HDAC4: variants seen among roughly 807,000 people sequenced by gnomAD.
HDAC4 encodes the protein histone deacetylase 4.
HDAC4 carries 16 observed loss-of-function variants against 135.1 expected under a neutral mutation model. The ratio of observed to expected loss-of-function variants is 0.12; its 90% CI spans 0.08 to 0.18. The LOEUF is 0.18. Among genes scored for constraint, HDAC4 ranks in the 10% least tolerant of loss-of-function variants. HDAC4 has a pLI of 1.00. For missense variants in HDAC4, 1,143 were observed against 1,511.8 expected (o/e 0.76, Z 4.05); for synonymous variants, 685 against 653.4 (o/e 1.05, Z -0.74).
chr2:239,351,730 A>C (rs990586686), intron 2 of HDAC4: 1 of 154,410 alleles, frequency 6.5e-6, no homozygotes, highest in Non-Finnish European at 1.5e-5. Context: ...ACCCAGACAG[A>C]CCCTGAGCCT....
intron 2 of HDAC4, among the ~76,000 whole-genome samples, chr2:239,282,851 C>T (rs1575604353): frequency 6.6e-6 from 1 of 151,454 alleles, no homozygotes; most frequent in African/African-American, 2.4e-5. Flanking sequence ...GTACATACCA[C>T]TCTACAATGT....
rs1696886009 is a variant in HDAC4, at chr2:239,400,386, G to C, written c.-220+592C>G. On this transcript the variant is annotated intron_variant, in intron 1 of 26. Coordinates refer to ENST00000543185, the MANE Select transcript of HDAC4 (RefSeq NM_001378414.1). The surrounding 1 kb of genome is among the most constrained non-coding windows in gnomAD (Gnocchi z 4.7). ...GCGGCCCGGAGCCCACCTGCTCGGG[G>C]GGCGCGGGCCCCGCACCGGGAGACG... The C allele has an allele frequency of 6.8e-6, 1 of 147,398 alleles. No individual in the cohort carries two copies. Among genetic ancestry groups the C allele is most frequent in the African/African-American group, 2.4e-5 (1 of 40,944 alleles). 9.1% of individuals were successfully genotyped at this position (147,398 alleles called of 1,614,324 possible). A position where few individuals can be genotyped will look rare whatever the true frequency, so the allele number is the denominator to read the frequency against.
At chr2:239,114,593 C>T (rs1287325039) in intron 13 of HDAC4, among the ~76,000 whole-genome samples, 4 of 152,220 alleles carry the variant, frequency 2.6e-5, no homozygotes, top group South Asian at 4.1e-4. Context: ...GTGCCACAAT[C>T]GCACCCGTCT....
chr2:239,380,079 C>T (rs951071118), intron 1 of HDAC4, among the ~76,000 whole-genome samples: 3 of 152,138 alleles, frequency 2.0e-5, no homozygotes, highest in Non-Finnish European at 4.4e-5. Flanking sequence ...GACCTGGGGT[C>T]GGGGGCGCGG....
At chr2:239,126,414 C>T (rs376099044) in intron 12 of HDAC4, 42 bp downstream of exon 12, 3 of 1,612,248 alleles carry the variant, frequency 1.9e-6, no homozygotes, top group Admixed American at 3.3e-5. Context: ...GCACAGCACA[C>T]AGCCGCCCTG....
chr2:239,388,153 T>C lies in HDAC4; in HGVS notation c.-220+12825A>G, dbSNP rs930289174. Among the ~76,000 whole-genome samples the C allele has an allele frequency of 2.8e-4, 43 of 152,150 alleles. 1 individual carries two copies. The highest frequency in any genetic ancestry group is 9.2e-4 in the African/African-American group (38 of 41,422). ...TCATTCACCTCATAGCACCTGGGGTTGGGGAAAGGCTGGGCCATTGACCTC... is the reference window on the plus strand; with the variant it reads ...TCATTCACCTCATAGCACCTGGGGTCGGGGAAAGGCTGGGCCATTGACCTC... On this transcript the variant is annotated intron_variant, in intron 1 of 26. Coordinates refer to ENST00000543185, the MANE Select transcript of HDAC4 (RefSeq NM_001378414.1).
At position 239,090,136 on chromosome 2, in the gene HDAC4, C is replaced by A. The variant is rs1450367015; in HGVS notation, c.2281-20G>T. 6.4e-7 allele frequency: 1 copy of A among 1,560,890 alleles called. No individual in the cohort carries two copies. Among genetic ancestry groups the A allele is most frequent in the African/African-American group, 1.3e-5 (1 of 74,082 alleles). On this transcript the variant is annotated intron_variant, in intron 17 of 26. Coordinates refer to ENST00000543185, the MANE Select transcript of HDAC4 (RefSeq NM_001378414.1). ...GTCCACCTGTGGAAACAACACCCCA[C>A]AGTGAGGTCACCCTCCCAGGCCACC...
intron 1 of HDAC4, among the ~76,000 whole-genome samples, chr2:239,371,312 C>T (rs1199774914): frequency 6.6e-6 from 1 of 152,134 alleles, no homozygotes; most frequent in African/African-American, 2.4e-5. Flanking sequence ...CACACTCTCA[C>T]ATAACCACAA....
chr2:239,313,402 G>A lies in HDAC4; in HGVS notation c.22+39276C>T, dbSNP rs1323631293. 6.6e-6 allele frequency among the ~76,000 whole-genome samples: 1 copy of A among 152,094 alleles called. No individual in the cohort carries two copies. Among genetic ancestry groups the A allele is most frequent in the Admixed American group, 6.5e-5 (1 of 15,276 alleles). On this transcript the variant is annotated intron_variant, in intron 2 of 26. Coordinates refer to ENST00000543185, the MANE Select transcript of HDAC4 (RefSeq NM_001378414.1). The surrounding 1 kb of genome is among the most constrained non-coding windows in gnomAD (Gnocchi z 5.1). Reference sequence around the variant, plus strand: ...ACGGCCTCCTCCCCAAAGAGTGTGAGGATCTGGATTAGAACCAAGTATCCC... The same window carrying A: ...ACGGCCTCCTCCCCAAAGAGTGTGAAGATCTGGATTAGAACCAAGTATCCC...
rs1358511174 is a variant in HDAC4, at chr2:239,400,474, C to T, written c.-220+504G>A. ...CCCGGCGGGCGAAGCCGCCTCGCGG[C>T]GCGGGTGGAAAGGTCCAGAAGGGGC... is the stretch of plus-strand genomic sequence containing the variant. On this transcript the variant is annotated intron_variant, in intron 1 of 26. Coordinates refer to ENST00000543185, the MANE Select transcript of HDAC4 (RefSeq NM_001378414.1). This position sits in a 1 kb window ranked among gnomAD's most constrained non-coding sequence, Gnocchi z 4.7. The T allele has an allele frequency of 6.8e-6, 1 of 146,086 alleles. No individual in the cohort carries two copies. Among genetic ancestry groups the T allele is most frequent in the East Asian group, 2.0e-4 (1 of 5,066 alleles). The allele number at this position is 146,086 out of a possible 1,614,324, so 9.0% of individuals were successfully genotyped here.
chr2:239,360,748 G>A (rs1286880542), intron 1 of HDAC4, among the ~76,000 whole-genome samples: 5 of 152,306 alleles, frequency 3.3e-5, no homozygotes, highest in East Asian at 1.9e-4. Context: ...GGGGACACCC[G>A]AGCTCCACCT....
chr2:239,132,010 G>A (rs1450338021), intron 11 of HDAC4, among the ~76,000 whole-genome samples: 1 of 152,128 alleles, frequency 6.6e-6, no homozygotes, highest in African/African-American at 2.4e-5. Flanking sequence ...CAATCCCAGC[G>A]GGTTCCAAAT....
intron 3 of HDAC4, among the ~76,000 whole-genome samples, chr2:239,233,438 A>C (rs988302627): frequency 1.4e-4 from 22 of 151,874 alleles, no homozygotes; most frequent in Admixed American, 5.2e-4. Context: ...AGTAAGAATA[A>C]TGCAAATATT....
Position 239,240,357 on chromosome 2 carries a change from C to A in HDAC4, c.23-3693G>T, listed in dbSNP as rs562934250. Among the ~76,000 whole-genome samples, 10 of 152,360 alleles carry A rather than the reference C, an allele frequency of 6.6e-5. No homozygotes were observed. The South Asian group carries it at 1.0e-3, about 16-fold the overall frequency. ...GAATGTGCACAGAATAGATTCTTAA[C>A]GCTGTGTTTTTTCAGATATCATATT... On this transcript the variant is annotated intron_variant, in intron 2 of 26. Transcript: ENST00000543185. This position sits in a 1 kb window ranked among gnomAD's most constrained non-coding sequence, Gnocchi z 4.5.
At chr2:239,130,351 A>C (rs1350394311) in intron 11 of HDAC4, among the ~76,000 whole-genome samples, 1 of 152,296 alleles carries the variant, frequency 6.6e-6, no homozygotes, top group Middle Eastern at 3.4e-3. Context: ...AATGAGGCCT[A>C]AACAGTAGCA....
intron 25 of HDAC4, among the ~76,000 whole-genome samples, chr2:239,054,179 A>G (rs917500009): frequency 1.3e-5 from 2 of 152,060 alleles, no homozygotes; most frequent in Admixed American, 1.3e-4. Flanking sequence ...GCTTCTGTGG[A>G]CAGTCTCAAC....
chr2:239,053,409 G>C, intron 26 of HDAC4, 51 bp downstream of exon 26: 1 of 1,598,202 alleles, frequency 6.3e-7, no homozygotes, highest in Non-Finnish European at 8.5e-7. Flanking sequence ...GTGTCAGTGG[G>C]CACAGTGGGG....
intron 2 of HDAC4, among the ~76,000 whole-genome samples, chr2:239,343,399 A>T (rs1296502153): frequency 6.6e-6 from 1 of 152,226 alleles, no homozygotes; most frequent in Non-Finnish European, 1.5e-5. Flanking sequence ...GCTCAGAGAA[A>T]GTTCACAAAA....
At chr2:239,150,561 C>CACCACGCTGCACCTCCTG (rs1575199858) in intron 7 of HDAC4, among the ~76,000 whole-genome samples, 1 of 50,514 alleles carries the variant, frequency 2.0e-5, no homozygotes, top group East Asian at 5.9e-4. Flanking sequence ...TGCACCTCCT[C>CACCACGCTGCACCTCCTG]AAGTATATAC....
Sources: allele counts gnomAD v4.1 joint callset (sites outside exome capture counted in the v4.1 genomes callset), GRCh38; gene constraint gnomAD v4.1.1; non-coding constraint Gnocchi (gnomAD v3.1); transcripts MANE v1.5; gene names NCBI Gene and HGNC (gene_info 2026-07-23, HGNC 2026-07-21).